Variants in HIBADH observed in about 807,000 individuals in gnomAD.
HIBADH encodes the protein 3-hydroxyisobutyrate dehydrogenase.
A neutral mutation model predicts 36.1 loss-of-function variants in HIBADH; 25 were observed. That is an observed-to-expected ratio of 0.69 (90% CI 0.50 to 0.97). The LOEUF is 0.97. Ranked by LOEUF, HIBADH falls within the 50% of genes least tolerant of loss-of-function variation. HIBADH has a pLI of 0.00. For missense variants in HIBADH, 421 were observed against 418.0 expected (o/e 1.01, Z -0.06); for synonymous variants, 160 against 149.5 (o/e 1.07, Z -0.51).
chr7:27,637,257 G>A (rs1446844371), intron 2 of HIBADH, among the ~76,000 whole-genome samples: 2 of 152,324 alleles, frequency 1.3e-5, no homozygotes, highest in East Asian at 3.9e-4. Context: ...AAGTCACACA[G>A]CTAGCAAATG....
intron 4 of HIBADH, among the ~76,000 whole-genome samples, chr7:27,550,902 T>TTATATTAAGACTAA (rs1784308377): frequency 6.6e-6 from 1 of 152,142 alleles, no homozygotes; most frequent in Non-Finnish European, 1.5e-5. Flanking sequence ...ATTTTCTAGT[T>TTATATTAAGACTAA]TATCAAAAAG....
intron 4 of HIBADH, among the ~76,000 whole-genome samples, chr7:27,608,874 A>C (rs974147711): frequency 1.3e-5 from 2 of 152,216 alleles, no homozygotes; most frequent in Non-Finnish European, 2.9e-5. Flanking sequence ...GGATTACTTC[A>C]GGCAGGACCC....
chr7:27,628,420 T>G (rs960648200), intron 4 of HIBADH, among the ~76,000 whole-genome samples: 1 of 152,096 alleles, frequency 6.6e-6, no homozygotes, highest in East Asian at 1.9e-4. Flanking sequence ...TGCTGTCTAC[T>G]GCTATACTGC....
intron 4 of HIBADH, among the ~76,000 whole-genome samples, chr7:27,594,025 AAAATAAATAAATAAAT>A (rs538937381): frequency 2.0e-5 from 3 of 149,548 alleles, no homozygotes; most frequent in East Asian, 1.9e-4. Context: ...TCCGTCTCAA[AAAATAAATAAATAAAT>A]AAATAAATAA....
intron 4 of HIBADH, among the ~76,000 whole-genome samples, chr7:27,615,020 A>C (rs1785402197): frequency 6.6e-6 from 1 of 152,232 alleles, no homozygotes; most frequent in Non-Finnish European, 1.5e-5. Context: ...AGAAATGTTA[A>C]GCCTCTAATC....
At chr7:27,622,142 G>A (rs916412257) in intron 4 of HIBADH, among the ~76,000 whole-genome samples, 1 of 152,162 alleles carries the variant, frequency 6.6e-6, no homozygotes, top group East Asian at 1.9e-4. Flanking sequence ...CTATTCGAGA[G>A]CCTGAGGCTG....
At chr7:27,601,840 T>C (rs1412344133) in intron 4 of HIBADH, among the ~76,000 whole-genome samples, 1 of 152,158 alleles carries the variant, frequency 6.6e-6, no homozygotes, top group Non-Finnish European at 1.5e-5. Context: ...AAAATAAAAT[T>C]ACTTTAGATT....
intron 4 of HIBADH, among the ~76,000 whole-genome samples, chr7:27,587,579 C>T (rs1784883687): frequency 6.6e-6 from 1 of 152,168 alleles, no homozygotes; most frequent in Admixed American, 6.5e-5. Context: ...TGTCTACATT[C>T]TCCCCTCCCC....
At chr7:27,585,352 A>G (rs1422597278) in intron 4 of HIBADH, among the ~76,000 whole-genome samples, 1 of 152,118 alleles carries the variant, frequency 6.6e-6, no homozygotes, top group African/African-American at 2.4e-5. Flanking sequence ...GTTGGTTCAA[A>G]TAACTTACAT....
chr7:27,529,792 A>G (rs1783964685), intron 7 of HIBADH, among the ~76,000 whole-genome samples: 1 of 152,242 alleles, frequency 6.6e-6, no homozygotes, highest in Non-Finnish European at 1.5e-5. Flanking sequence ...ACAGTAGCAC[A>G]TAAATCTTCT....
chr7:27,629,361 T>C lies in HIBADH; in HGVS notation c.484+10A>G. 1 of 1,608,294 alleles carries C rather than the reference T, an allele frequency of 6.2e-7. No homozygotes were observed. Among genetic ancestry groups the C allele is most frequent in the Non-Finnish European group, 8.5e-7 (1 of 1,177,466 alleles). ...TAAATAGGTTTGCATATATTTTAGCTACCACTTACCACCAGAAACAGGGGC... is the reference window on the plus strand; with the variant it reads ...TAAATAGGTTTGCATATATTTTAGCCACCACTTACCACCAGAAACAGGGGC... On this transcript the variant is annotated intron_variant, in intron 4 of 7. Transcript: ENST00000265395.
chr7:27,661,922 T>C (rs1345976975), intron 1 of HIBADH, among the ~76,000 whole-genome samples: 1 of 152,150 alleles, frequency 6.6e-6, no homozygotes, highest in Non-Finnish European at 1.5e-5. Flanking sequence ...ATGTCCCTCG[T>C]GCGGAGTATG....
At chr7:27,558,909 TGTATTA>T (rs772037443) in intron 4 of HIBADH, among the ~76,000 whole-genome samples, 13 of 152,222 alleles carry the variant, frequency 8.5e-5, no homozygotes, top group Non-Finnish European at 1.6e-4. Context: ...AAATGGTAGC[TGTATTA>T]GTTTGCCAGG....
At chr7:27,576,461 A>C (rs1355259837) in intron 4 of HIBADH, among the ~76,000 whole-genome samples, 2 of 152,202 alleles carry the variant, frequency 1.3e-5, no homozygotes, top group Non-Finnish European at 2.9e-5. Context: ...TGAATTCATA[A>C]TTAGAAAAAT....
chr7:27,564,566 G>T (rs1295795737), intron 4 of HIBADH, among the ~76,000 whole-genome samples: 1 of 152,202 alleles, frequency 6.6e-6, no homozygotes, highest in Non-Finnish European at 1.5e-5. Context: ...TAGCTTTGAA[G>T]TAAGTATGAA....
chr7:27,584,684 A>G (rs1363153585), intron 4 of HIBADH, among the ~76,000 whole-genome samples: 1 of 152,094 alleles, frequency 6.6e-6, no homozygotes, highest in Non-Finnish European at 1.5e-5. Flanking sequence ...CGTTTGGGGC[A>G]TATTTTCCAT....
chr7:27,606,548 T>G (rs1785232106), intron 4 of HIBADH, among the ~76,000 whole-genome samples: 1 of 152,242 alleles, frequency 6.6e-6, no homozygotes, highest in African/African-American at 2.4e-5. Context: ...ACAAACAATT[T>G]AAGTCAAGAG....
At chr7:27,624,235 C>A (rs987081192) in intron 4 of HIBADH, among the ~76,000 whole-genome samples, 2 of 152,042 alleles carry the variant, frequency 1.3e-5, no homozygotes, top group Admixed American at 6.6e-5. Context: ...CAGAAAAGAG[C>A]CCGATTATTC....
Position 27,569,334 on chromosome 7 carries a change from T to C in HIBADH, c.485-26234A>G, listed in dbSNP as rs189791264. On this transcript the variant is annotated intron_variant, in intron 4 of 7. Transcript: ENST00000265395. ...GGTATCTTGTCTCTTCCCTTGAGAC[T>C]TAATCAGACTTTCCTGGTTCTTTTT... Among the ~76,000 whole-genome samples the C allele has an allele frequency of 1.6e-3, 237 of 152,352 alleles. 1 individual carries two copies. Among genetic ancestry groups the C allele is most frequent in the African/African-American group, 5.1e-3 (214 of 41,576 alleles).
Sources: allele counts gnomAD v4.1 joint callset (sites outside exome capture counted in the v4.1 genomes callset), GRCh38; gene constraint gnomAD v4.1.1; transcripts MANE v1.5; gene names NCBI Gene and HGNC (gene_info 2026-07-23, HGNC 2026-07-21).